The following ATG14 variants were observed in gnomAD, a reference collection of about 807,000 sequenced individuals.
ATG14 encodes autophagy related 14, also known as beclin 1-associated autophagy-related key regulator.
In ATG14, 35 loss-of-function variants were observed where a neutral mutation model predicts 60.4. That is an observed-to-expected ratio of 0.58 (90% confidence interval 0.44 to 0.77). The LOEUF is 0.77. Ranked by LOEUF, ATG14 falls within the 30% of genes least tolerant of loss-of-function variation. The pLI is 0.00. For missense variants in ATG14, 647 were observed against 626.3 expected, an observed-to-expected ratio of 1.03 and a Z score of -0.35; for synonymous variants, 234 against 228.8, an observed-to-expected ratio of 1.02 and a Z score of -0.21.
At chr14:55,385,759 A>G (rs111958947) in intron 5 of ATG14, 100 bp downstream of exon 5, 18,652 of 1,036,872 alleles carry the variant, frequency 0.018, 232 homozygotes, top group Non-Finnish European at 0.023. Flanking sequence ...AGGAAAACCA[A>G]TGACCCTAGA....
In ATG14 at chr14:55,390,990, TCTCTG is replaced by T; in HGVS notation, c.328-3_329del. ...TCATCTTGCAGGACATTATTTTCCA[TCTCTG>T]AAAAAAGCATGTAATAAATATCACA... On this transcript the variant is annotated splice_acceptor_variant and splice_polypyrimidine_tract_variant and coding_sequence_variant and intron_variant, in exon 4 of 10. Transcript: ENST00000247178. LOFTEE classifies it high-confidence loss of function. 1 of 1,602,344 alleles carries T rather than the reference TCTCTG, an allele frequency of 6.2e-7. No homozygotes were observed. Among genetic ancestry groups the T allele is most frequent in the African/African-American group, 1.3e-5 (1 of 74,710 alleles).
At chr14:55,393,177 TGA>T (rs911748044) in intron 3 of ATG14, among the ~76,000 whole-genome samples, 16 of 152,064 alleles carry the variant, frequency 1.1e-4, no homozygotes, top group Admixed American at 9.8e-4. Context: ...GTCAGGAGAT[TGA>T]GACCATCCTG....
Position 55,390,958 on chromosome 14 carries a change from T to C in ATG14, c.362A>G (p.Glu121Gly), listed in dbSNP as rs1427847970. 1 of 1,606,328 alleles carries C rather than the reference T, an allele frequency of 6.2e-7. No individual in the cohort carries two copies. The highest frequency in any genetic ancestry group is 8.5e-7 in the Non-Finnish European group (1 of 1,176,124). ...TTTACATATTGTTTGTTTTAACTGT[T>C]CAATCCTCATCTTGCAGGACATTAT... Reference protein sequence around the residue: ...WKIMSCKMRIEQLKQTICKGN... With the variant: ...WKIMSCKMRIGQLKQTICKGN... Residue 121 changes from glutamate (E) to glycine (G), a missense_variant, in exon 4 of 10, where the codon GAA (glutamate) becomes GGA (glycine). By Grantham distance (98) the Glu-to-Gly change is moderately conservative. Coordinates refer to ENST00000247178, the MANE Select transcript of ATG14 (RefSeq NM_014924.5).
At chr14:55,374,797 A>T (rs1038904262) in intron 9 of ATG14, among the ~76,000 whole-genome samples, 6 of 152,214 alleles carry the variant, frequency 3.9e-5, no homozygotes, top group Admixed American at 1.3e-4. Context: ...CTCCTCTATC[A>T]TAAGATTATA....
At position 55,411,712 on chromosome 14, in the gene ATG14, G is replaced by A. The variant is rs780788345; in HGVS notation, c.111C>T (p.Tyr37=). 4 of 1,612,466 alleles carry A rather than the reference G, an allele frequency of 2.5e-6. No homozygotes were observed. Among genetic ancestry groups the A allele is most frequent in the South Asian group, 2.2e-5 (2 of 90,842 alleles). Residue 37 remains tyrosine (Y), a synonymous_variant, in exon 1 of 10, where the codon TAC becomes TAT. Coordinates refer to ENST00000247178, the MANE Select transcript of ATG14 (RefSeq NM_014924.5). ...ACAGCGGGCAGCGCTCCACAGCCAC[G>A]TACAGCCCCTCCGCATCGTCCACGG... ...VDSVDDAEGL[Y]VAVERCPLCN...
chr14:55,369,897 G>T lies in ATG14; in HGVS notation c.1201C>A (p.Leu401Ile). 5 of 1,612,812 alleles carry T rather than the reference G, an allele frequency of 3.1e-6. No homozygotes were observed. Among genetic ancestry groups the T allele is most frequent in the Non-Finnish European group, 1.7e-6 (2 of 1,179,114 alleles). The change falls in exon 10 of 10, where the codon CTT becomes ATT. Residue 401 changes from leucine (L) to isoleucine (I), a missense_variant. By Grantham distance (5) the Leu-to-Ile change is conservative. Transcript: ENST00000247178. ...TCCACAAATTCCATGGACTCCTCAA[G>T]GTCTGCTCGTACTTCAAAGGGCCCT... ...RSGPFEVRAD[L>I]EESMEFVDPG...
intron 9 of ATG14, among the ~76,000 whole-genome samples, chr14:55,370,960 C>T (rs1327186909): frequency 2.0e-5 from 3 of 152,024 alleles, no homozygotes; most frequent in Non-Finnish European, 2.9e-5. Flanking sequence ...CTTCTTTTTC[C>T]CCTCCCTTTC....
intron 1 of ATG14, among the ~76,000 whole-genome samples, chr14:55,401,245 CTT>C (rs1885393344): frequency 1.3e-5 from 2 of 150,814 alleles, no homozygotes; most frequent in Non-Finnish European, 2.9e-5. Context: ...TCCCTATGTC[CTT>C]CATCCAATTT....
chr14:55,397,809 C>T lies in ATG14; in HGVS notation c.222-375G>A, dbSNP rs140180657. Among the ~76,000 whole-genome samples the T allele has an allele frequency of 4.6e-5, 7 of 152,232 alleles. No individual in the cohort carries two copies. The East Asian group carries it at 1.3e-3, about 29-fold the overall frequency. ...AATCTGGATTCAATCCTGCTCTCTC[C>T]TATAAACTGATTCCTTATAATAAAT... is the stretch of plus-strand genomic sequence containing the variant. On this transcript the variant is annotated intron_variant, in intron 1 of 9. Coordinates refer to ENST00000247178, the MANE Select transcript of ATG14 (RefSeq NM_014924.5).
In ATG14 at chr14:55,370,715, C is replaced by CA. The variant is rs536343811; in HGVS notation, c.1173-791_1173-790insT. 2.3e-3 allele frequency among the ~76,000 whole-genome samples: 343 copies of CA among 151,714 alleles called. 5 individuals carry two copies. Among genetic ancestry groups the CA allele is most frequent in the African/African-American group, 7.8e-3 (323 of 41,188 alleles). On this transcript the variant is annotated intron_variant, in intron 9 of 9. Transcript: ENST00000247178. ...GGAGTGCAGTGGCGCCATCTTGGCTCCTGCAACCTCCACCGCCCAGGTGCA... is the reference window on the plus strand; with the variant it reads ...GGAGTGCAGTGGCGCCATCTTGGCTCACTGCAACCTCCACCGCCCAGGTGCA...
At chr14:55,391,947 A>G (rs549286665) in intron 3 of ATG14, among the ~76,000 whole-genome samples, 1 of 152,322 alleles carries the variant, frequency 6.6e-6, no homozygotes, top group East Asian at 1.9e-4. Context: ...ATGAAACATG[A>G]AATTGACTCT....
Position 55,380,654 on chromosome 14 carries a change from G to C in ATG14, c.914C>G (p.Ala305Gly), listed in dbSNP as rs776232745. The change falls in exon 7 of 10, where the codon GCT becomes GGT. Residue 305 changes from alanine (A) to glycine (G), a missense_variant. Transcript: ENST00000247178. ...CAGCTGAGTTGCATAGCACAGCGCA[G>C]CACTGATGGTGTAGGCAGGGTTACT... ...EQSNPAYTIS[A>G]ALCYATQLVN... 2.5e-6 allele frequency: 4 copies of C among 1,612,014 alleles called. No individual in the cohort carries two copies. In the Admixed American group the frequency reaches 6.7e-5, roughly 27 times the overall value.
At chr14:55,411,510 GC>G in intron 1 of ATG14, 91 bp downstream of exon 1, 2 of 1,256,198 alleles carry the variant, frequency 1.6e-6, no homozygotes, top group African/African-American at 1.5e-5. Context: ...GGTATCTGGT[GC>G]CCGGACGGGG....
intron 5 of ATG14, 37 bp downstream of exon 5, chr14:55,385,821 TG>T (rs764000978): frequency 4.0e-6 from 6 of 1,502,964 alleles, no homozygotes; most frequent in Non-Finnish European, 5.5e-6. Flanking sequence ...ATTTGGAACT[TG>T]ATCTATTCCT....
intron 1 of ATG14, among the ~76,000 whole-genome samples, chr14:55,405,729 A>G (rs1469114634): frequency 1.3e-5 from 2 of 152,210 alleles, no homozygotes; most frequent in East Asian, 1.9e-4. Flanking sequence ...TGTAATTTTA[A>G]TATGTCCAGC....
At chr14:55,407,955 T>C (rs1885515822) in intron 1 of ATG14, among the ~76,000 whole-genome samples, 1 of 152,068 alleles carries the variant, frequency 6.6e-6, no homozygotes, top group South Asian at 2.1e-4. Context: ...TGGTGGAAGT[T>C]TCATGTGACT....
chr14:55,410,101 G>A (rs1306028931), intron 1 of ATG14, among the ~76,000 whole-genome samples: 4 of 152,116 alleles, frequency 2.6e-5, no homozygotes, highest in Admixed American at 2.6e-4. Context: ...CTGAACCAAA[G>A]GAACAATGAG....
intron 7 of ATG14, among the ~76,000 whole-genome samples, chr14:55,380,092 A>T (rs1309964599): frequency 6.6e-6 from 1 of 152,152 alleles, no homozygotes; most frequent in Non-Finnish European, 1.5e-5. Context: ...TCCTAGAAAT[A>T]CAAAAATTAG....
intron 1 of ATG14, among the ~76,000 whole-genome samples, chr14:55,399,558 G>A (rs1240666311): frequency 6.6e-6 from 1 of 152,188 alleles, no homozygotes; most frequent in East Asian, 1.9e-4. Flanking sequence ...AGAATACTAA[G>A]AAATCTAATT....
Sources: gnomAD v4.1 joint callset for allele counts (sites outside exome capture counted in the v4.1 genomes callset) on GRCh38, gnomAD v4.1.1 for gene constraint, MANE v1.5 for transcripts, NCBI Gene and HGNC (gene_info 2026-07-23, HGNC 2026-07-21) for gene names.